The following CTNNA3 variants were observed in gnomAD, a reference collection of about 807,000 sequenced individuals.
CTNNA3 encodes catenin alpha 3.
Under a neutral mutation model 95.7 loss-of-function variants are expected in CTNNA3, and 76 were observed. The ratio of observed to expected loss-of-function variants is 0.79; its 90% CI spans 0.66 to 0.96. The LOEUF (loss-of-function observed/expected upper bound fraction) is 0.96. CTNNA3 is among the 40% of genes least tolerant of loss of function. The pLI, the probability that CTNNA3 is intolerant of heterozygous loss-of-function variation, is 0.00. For missense variants in CTNNA3, 1,191 were observed against 1,089.8 expected (o/e 1.09, Z -1.31); for synonymous variants, 431 against 374.4 (o/e 1.15, Z -1.74).
intron 9 of CTNNA3, among the ~76,000 whole-genome samples, chr10:66,684,860 A>G (rs1847191995): frequency 6.6e-6 from 1 of 152,084 alleles, no homozygotes; most frequent in South Asian, 2.1e-4. Flanking sequence ...GTGGATGAAG[A>G]TGAACTCCTA....
intron 12 of CTNNA3, among the ~76,000 whole-genome samples, chr10:66,372,877 C>T (rs1301758074): frequency 2.6e-5 from 4 of 152,060 alleles, no homozygotes; most frequent in Admixed American, 6.6e-5. Flanking sequence ...CCCACTGGGT[C>T]CCTCCCTCAA....
intron 5 of CTNNA3, among the ~76,000 whole-genome samples, chr10:67,317,071 ATCT>A (rs1329046096): frequency 6.6e-6 from 1 of 152,146 alleles, no homozygotes; most frequent in African/African-American, 2.4e-5. Flanking sequence ...AAAACTGTAG[ATCT>A]TCTTTTCAGC....
rs541565777 is a variant in CTNNA3, at chr10:66,832,676, A to C, written c.1048-57152T>G. Among the ~76,000 whole-genome samples the C allele has an allele frequency of 5.9e-5, 9 of 152,170 alleles. No homozygotes were observed. In the South Asian group the frequency reaches 1.7e-3, roughly 28 times the overall value. ...AAAAGGTTTTTTTATGACCCAACTCAAAGTCACAGATTCTTCTAGCTAGTA... is the reference window on the plus strand; with the variant it reads ...AAAAGGTTTTTTTATGACCCAACTCCAAGTCACAGATTCTTCTAGCTAGTA... On this transcript the variant is annotated intron_variant, in intron 7 of 17. Transcript: ENST00000433211.
intron 9 of CTNNA3, among the ~76,000 whole-genome samples, chr10:66,749,179 G>A (rs1209392112): frequency 1.5e-5 from 2 of 130,818 alleles, no homozygotes; most frequent in Non-Finnish European, 3.1e-5. Flanking sequence ...CTCCAGCCTG[G>A]GCAACACAGG....
At chr10:66,113,006 T>C (rs2082176534) in intron 13 of CTNNA3, among the ~76,000 whole-genome samples, 1 of 152,150 alleles carries the variant, frequency 6.6e-6, no homozygotes, top group South Asian at 2.1e-4. Context: ...GATTGCTGGA[T>C]CATATAGTAG....
chr10:66,308,285 A>G (rs750470138), intron 12 of CTNNA3, among the ~76,000 whole-genome samples: 14 of 152,174 alleles, frequency 9.2e-5, no homozygotes, highest in Non-Finnish European at 1.8e-4. Context: ...ATCATATTTC[A>G]CATTAGGTTT....
intron 2 of CTNNA3, among the ~76,000 whole-genome samples, chr10:67,618,378 A>G (rs919105043): frequency 1.3e-5 from 2 of 152,196 alleles, no homozygotes; most frequent in African/African-American, 4.8e-5. Context: ...CTACTTACGT[A>G]TTCCAGAATT....
At chr10:67,620,035 G>C (rs1294633920) in intron 2 of CTNNA3, among the ~76,000 whole-genome samples, 1 of 151,884 alleles carries the variant, frequency 6.6e-6, no homozygotes, top group Non-Finnish European at 1.5e-5. Context: ...GAAAAGCAGT[G>C]GGCCTGCCCT....
chr10:67,074,035 T>TTC (rs1318262308), intron 7 of CTNNA3, among the ~76,000 whole-genome samples: 1 of 23,380 alleles, frequency 4.3e-5, no homozygotes, highest in African/African-American at 2.1e-4. Context: ...ATTTTAACTC[T>TTC]TTTTTTTTTT....
At chr10:67,256,504 G>A (rs1866356931) in intron 5 of CTNNA3, among the ~76,000 whole-genome samples, 1 of 152,044 alleles carries the variant, frequency 6.6e-6, no homozygotes, top group African/African-American at 2.4e-5. Context: ...AATATGATGG[G>A]ACACATGAAT....
intron 10 of CTNNA3, among the ~76,000 whole-genome samples, chr10:66,618,857 T>A (rs1844631302): frequency 6.6e-6 from 1 of 151,904 alleles, no homozygotes; most frequent in Non-Finnish European, 1.5e-5. Flanking sequence ...CTCAAACACA[T>A]TTACAAGAAA....
intron 8 of CTNNA3, among the ~76,000 whole-genome samples, chr10:66,770,214 T>G (rs1464650255): frequency 1.3e-5 from 2 of 152,196 alleles, no homozygotes; most frequent in Non-Finnish European, 2.9e-5. Context: ...GCAATTTTCA[T>G]TATATGTTCT....
intron 13 of CTNNA3, among the ~76,000 whole-genome samples, chr10:66,176,492 T>C: frequency 1.3e-5 from 2 of 152,288 alleles, no homozygotes; most frequent in Middle Eastern, 6.8e-3. Flanking sequence ...AGTAACTTAC[T>C]ATTCTTTAAA....
chr10:66,492,665 T>G (rs1430609311), intron 11 of CTNNA3, among the ~76,000 whole-genome samples: 3 of 152,194 alleles, frequency 2.0e-5, no homozygotes, highest in Admixed American at 6.5e-5. Flanking sequence ...TTCCCTGTGG[T>G]TCTGCAAAAA....
intron 17 of CTNNA3, among the ~76,000 whole-genome samples, chr10:65,955,162 G>T (rs2077702432): frequency 1.3e-5 from 2 of 152,170 alleles, no homozygotes; most frequent in African/African-American, 4.8e-5. Flanking sequence ...GTGAATGGGA[G>T]TTCACTCATG....
intron 1 of CTNNA3, among the ~76,000 whole-genome samples, chr10:67,690,178 G>A (rs1840815267): frequency 6.6e-6 from 1 of 152,176 alleles, no homozygotes; most frequent in African/African-American, 2.4e-5. Flanking sequence ...CCTTCACAGT[G>A]AGTGTTACGG....
At chr10:66,318,276 A>ATATATGTG (rs33943741) in intron 12 of CTNNA3, among the ~76,000 whole-genome samples, 3,678 of 136,598 alleles carry the variant, frequency 0.027, 80 homozygotes, top group East Asian at 0.1. Context: ...ATATATATAT[A>ATATATGTG]TGTGTGTGTG....
At chr10:66,185,140 T>C (rs1271713814) in intron 13 of CTNNA3, among the ~76,000 whole-genome samples, 1 of 152,206 alleles carries the variant, frequency 6.6e-6, no homozygotes, top group Non-Finnish European at 1.5e-5. Flanking sequence ...CTAAATTAGT[T>C]GATTACTAAG....
chr10:66,549,518 C>A (rs1030048394), intron 10 of CTNNA3, among the ~76,000 whole-genome samples: 4 of 152,004 alleles, frequency 2.6e-5, no homozygotes, highest in Non-Finnish European at 4.4e-5. Flanking sequence ...TCACTGTTTT[C>A]TTTTACCTGC....
Sources: allele counts gnomAD v4.1 joint callset (sites outside exome capture counted in the v4.1 genomes callset), GRCh38; gene constraint gnomAD v4.1.1; transcripts MANE v1.5; gene names NCBI Gene and HGNC (gene_info 2026-07-23, HGNC 2026-07-21).